Variants in CEP170 observed in about 807,000 individuals in gnomAD.
CEP170 encodes the protein centrosomal protein of 170 kDa.
A neutral mutation model predicts 151.9 loss-of-function variants in CEP170; 21 were observed. The ratio of observed to expected loss-of-function variants is 0.14; its 90% confidence interval spans 0.10 to 0.20. CEP170 has a LOEUF of 0.20. Ranked by LOEUF, CEP170 falls within the 10% of genes least tolerant of loss-of-function variation. The probability of loss-of-function intolerance (pLI) is 1.00; values close to 1 mark genes in which losing one functional copy is unlikely to be tolerated. For synonymous variants in CEP170, 356 were observed against 648.8 expected (o/e 0.55, Z 6.86); for missense variants, 964 against 1,892.9 (o/e 0.51, Z 9.11).
intron 7 of CEP170, among the ~76,000 whole-genome samples, chr1:243,197,407 C>G (rs1313633217): frequency 6.6e-6 from 1 of 152,028 alleles, no homozygotes; most frequent in Non-Finnish European, 1.5e-5. Context: ...TCAAGGTGAG[C>G]AAGACTGGTT....
intron 14 of CEP170, among the ~76,000 whole-genome samples, chr1:243,147,300 G>A (rs1485173707): frequency 6.6e-6 from 1 of 152,162 alleles, no homozygotes; most frequent in Non-Finnish European, 1.5e-5. Context: ...GCTGTTAAAA[G>A]CAATGAACAT....
At chr1:243,159,568 C>A (rs2057870611) in intron 13 of CEP170, among the ~76,000 whole-genome samples, 2 of 152,090 alleles carry the variant, frequency 1.3e-5, no homozygotes, top group Non-Finnish European at 2.9e-5. Context: ...CCCCCATCTA[C>A]TTATTTCATA....
chr1:243,211,758 G>C (rs1346543713), intron 4 of CEP170, 128 bp downstream of exon 4: 3 of 1,068,088 alleles, frequency 2.8e-6, no homozygotes. Context: ...TTTTAGTATA[G>C]GAATGCACCC....
intron 1 of CEP170, among the ~76,000 whole-genome samples, chr1:243,226,222 T>G (rs928224228): frequency 1.2e-4 from 18 of 146,532 alleles, no homozygotes; most frequent in East Asian, 4.0e-4. Context: ...TATAGAGAGA[T>G]AGACATGTAC....
intron 11 of CEP170, among the ~76,000 whole-genome samples, chr1:243,170,917 A>G (rs970828875): frequency 2.0e-5 from 3 of 152,258 alleles, no homozygotes; most frequent in African/African-American, 7.2e-5. Flanking sequence ...ATTTCTGAGC[A>G]GTGAAGGTGG....
At chr1:243,131,651 C>T (rs929821474) in intron 17 of CEP170, among the ~76,000 whole-genome samples, 4 of 151,774 alleles carry the variant, frequency 2.6e-5, no homozygotes, top group African/African-American at 9.7e-5. Flanking sequence ...GAAAACCAGA[C>T]CAAGAAATTA....
rs1316079889 is a variant in CEP170 at position 243,255,071 on chromosome 1, G to T, written c.-73C>A. ...CCGTGGAGAGAGGGACCGGACGGGG[G>T]AGGCGGGGCGCGTCGCGTCCCGTGA... On this transcript the variant is annotated 5_prime_UTR_variant, in exon 1 of 20. Coordinates refer to ENST00000366542, the MANE Select transcript of CEP170 (RefSeq NM_014812.3). 1 of 152,496 alleles carries T rather than the reference G, an allele frequency of 6.6e-6. No individual in the cohort carries two copies. Among genetic ancestry groups the T allele is most frequent in the Non-Finnish European group, 1.5e-5 (1 of 68,142 alleles). The allele number at this position is 152,496 out of a possible 1,614,324, so 9.4% of individuals were successfully genotyped here.
chr1:243,242,505 A>G (rs1024752703), intron 1 of CEP170, among the ~76,000 whole-genome samples: 2 of 152,122 alleles, frequency 1.3e-5, no homozygotes, highest in African/African-American at 2.4e-5. Flanking sequence ...GGTGTGAGCC[A>G]CCACGCCCGG....
chr1:243,245,059 T>A (rs1030418694), intron 1 of CEP170, among the ~76,000 whole-genome samples: 1 of 152,162 alleles, frequency 6.6e-6, no homozygotes, highest in Admixed American at 6.5e-5. Context: ...AAAGTTGTTA[T>A]AAGTGAGGGA....
At chr1:243,220,888 T>C (rs2062741363) in intron 3 of CEP170, among the ~76,000 whole-genome samples, 1 of 152,198 alleles carries the variant, frequency 6.6e-6, no homozygotes, top group East Asian at 1.9e-4. Context: ...ATATTCAAAG[T>C]ATGAATTCCA....
At chr1:243,211,410 T>A (rs2061794675) in intron 4 of CEP170, 1 of 153,382 alleles carries the variant, frequency 6.5e-6, no homozygotes. Context: ...TATTGAAAAG[T>A]TTGAATTTAA....
intron 1 of CEP170, chr1:243,253,041 A>G (rs1010481540): frequency 2.6e-5 from 4 of 152,232 alleles, no homozygotes; most frequent in African/African-American, 7.2e-5. Context: ...CAGCCTATAG[A>G]GTTGATCATC....
chr1:243,140,105 C>G lies in CEP170; in HGVS notation c.4062G>C (p.Leu1354Phe), dbSNP rs2055649307. The G allele has an allele frequency of 1.2e-6, 2 of 1,613,296 alleles. No homozygotes were observed. The highest frequency in any genetic ancestry group is 1.7e-6 in the Non-Finnish European group (2 of 1,179,552). Residue 1354 changes from leucine to phenylalanine, a missense_variant and splice_region_variant, in exon 16 of 20, where the codon TTG becomes TTC. Leu to Phe is a conservative substitution (Grantham distance 22). Transcript: ENST00000366542. ...PGSAIDTREE[L>F]VDRVFDESLN... ...GGCTTTCATCAAAAACACGATCAAC[C>G]AACTAATGGGACGAAAGCAAACCTT... is the stretch of plus-strand genomic sequence containing the variant.
chr1:243,186,154 A>G, intron 9 of CEP170, 82 bp from the exon 10 acceptor site: 1 of 1,613,120 alleles, frequency 6.2e-7, no homozygotes, highest in Non-Finnish European at 8.5e-7. Flanking sequence ...TTGAATATGT[A>G]GTTTCCTGAC....
intron 1 of CEP170, among the ~76,000 whole-genome samples, chr1:243,228,695 A>G (rs1369566858): frequency 6.6e-6 from 1 of 152,236 alleles, no homozygotes; most frequent in Non-Finnish European, 1.5e-5. Context: ...AAACTAAAAC[A>G]TGACAGCCAA....
Position 243,126,117 on chromosome 1 carries a change from T to A in CEP170, c.*332A>T. 2.2e-6 allele frequency: 1 copy of A among 464,848 alleles called. No homozygotes were observed. Among genetic ancestry groups the A allele is most frequent in the South Asian group, 1.5e-5 (1 of 64,630 alleles). 28.8% of individuals were successfully genotyped at this position (464,848 alleles called of 1,614,324 possible). A position where few individuals can be genotyped will look rare whatever the true frequency, so the allele number is the denominator to read the frequency against. ...CAGAAATGTTGGCTATTTAGTTTGC[T>A]TGTAGGTCACAGCATGGCTTAAAAA... On this transcript the variant is annotated 3_prime_UTR_variant, in exon 20 of 20. Transcript: ENST00000366542.
chr1:243,169,651 G>A lies in CEP170; in HGVS notation c.1820C>T (p.Ser607Phe). 1 of 1,603,338 alleles carries A rather than the reference G, an allele frequency of 6.2e-7. No individual in the cohort carries two copies. Among genetic ancestry groups the A allele is most frequent in the Non-Finnish European group, 8.5e-7 (1 of 1,174,714 alleles). ...ACCATTCTCTAAAGGAAGAGGTGCAGAAAATTCCATTATCCTTTCTTCTTG... is the reference window on the plus strand; with the variant it reads ...ACCATTCTCTAAAGGAAGAGGTGCAAAAAATTCCATTATCCTTTCTTCTTG... Reference protein sequence around the residue: ...HDQEERIMEFSAPLPLENETE... With the variant: ...HDQEERIMEFFAPLPLENETE... The change falls in exon 12 of 20, where the codon TCT becomes TTT. Residue 607 changes from serine to phenylalanine, a missense_variant. Ser to Phe is a radical substitution (Grantham distance 155). Transcript: ENST00000366542.
intron 1 of CEP170, 77 bp downstream of exon 1, chr1:243,254,963 G>T (rs1019248937): frequency 6.6e-6 from 1 of 152,254 alleles, no homozygotes; most frequent in African/African-American, 2.4e-5. Flanking sequence ...CAAACCCGAG[G>T]AGCAGGATGT....
Position 243,255,121 on chromosome 1 carries a change from C to A in CEP170, c.-123G>T, listed in dbSNP as rs946801805. Reference sequence around the variant, plus strand: ...AGTCTCTCGCACGCCGTCCTCCCCCCACCTCGTCGTCGTCGTCGTCGCCGC... The same window carrying A: ...AGTCTCTCGCACGCCGTCCTCCCCCAACCTCGTCGTCGTCGTCGTCGCCGC... On this transcript the variant is annotated 5_prime_UTR_variant, in exon 1 of 20. Transcript: ENST00000366542. The A allele has an allele frequency of 6.5e-6, 1 of 153,466 alleles. No individual in the cohort carries two copies. Among genetic ancestry groups the A allele is most frequent in the Non-Finnish European group, 1.5e-5 (1 of 68,820 alleles). The allele number at this position is 153,466 out of a possible 1,614,324, so 9.5% of individuals were successfully genotyped here. A position where few individuals can be genotyped will look rare whatever the true frequency, so the allele number is the denominator to read the frequency against.
Sources: allele counts gnomAD v4.1 joint callset (sites outside exome capture counted in the v4.1 genomes callset), GRCh38; gene constraint gnomAD v4.1.1; transcripts MANE v1.5; gene names NCBI Gene and HGNC (gene_info 2026-07-23, HGNC 2026-07-21).